ADAMTS9: variants seen among roughly 807,000 people sequenced by gnomAD.
The protein encoded by ADAMTS9 is A disintegrin and metalloproteinase with thrombospondin motifs 9.
Under a neutral mutation model 257.1 loss-of-function variants are expected in ADAMTS9, and 107 were observed. The ratio of observed to expected loss-of-function variants is 0.42; its 90% CI spans 0.36 to 0.49. ADAMTS9 has a LOEUF of 0.49. Ranked by LOEUF, ADAMTS9 falls within the 20% of genes least tolerant of loss-of-function variation. ADAMTS9 has a pLI of 0.03. For synonymous variants in ADAMTS9, 982 were observed against 880.9 expected (o/e 1.11, Z -2.03); for missense variants, 2,353 against 2,469.1 (o/e 0.95, Z 1.00).
At position 64,539,916 on chromosome 3, in the gene ADAMTS9, T is replaced by A. The variant is rs565997181; in HGVS notation, c.5522-622A>T. ...ACCCAAAGTGCACGTTGTTAACCCCTACTGTAGCTCCTGAGATGAGCTCTG... is the reference window on the plus strand; with the variant it reads ...ACCCAAAGTGCACGTTGTTAACCCCAACTGTAGCTCCTGAGATGAGCTCTG... On this transcript the variant is annotated intron_variant, in intron 36 of 39. Coordinates refer to ENST00000498707, the MANE Select transcript of ADAMTS9 (RefSeq NM_182920.2). Among the ~76,000 whole-genome samples, 9 of 152,362 alleles carry A rather than the reference T, an allele frequency of 5.9e-5. 1 individual carries two copies. Among genetic ancestry groups the A allele is most frequent in the African/African-American group, 2.2e-4 (9 of 41,594 alleles).
chr3:64,539,373 G>A (rs781457154), intron 36 of ADAMTS9, 79 bp from the exon 37 acceptor site: 2 of 1,163,690 alleles, frequency 1.7e-6, no homozygotes, highest in Non-Finnish European at 2.6e-6. Context: ...ACATTAACAA[G>A]GAGACAGAAG....
intron 31 of ADAMTS9, among the ~76,000 whole-genome samples, chr3:64,548,905 G>C (rs530885128): frequency 1.3e-5 from 2 of 152,334 alleles, no homozygotes; most frequent in South Asian, 4.1e-4. Flanking sequence ...CCCTGCATGA[G>C]CTGTACACTT....
intron 12 of ADAMTS9, among the ~76,000 whole-genome samples, chr3:64,634,705 G>T (rs1344688934): frequency 2.0e-5 from 3 of 152,108 alleles, no homozygotes; most frequent in Non-Finnish European, 4.4e-5. Flanking sequence ...TAGGACGTTG[G>T]GGCTCACTCA....
chr3:64,561,535 C>T lies in ADAMTS9; in HGVS notation c.4698+43G>A, dbSNP rs374726166. 3.2e-6 allele frequency: 5 copies of T among 1,583,916 alleles called. No individual in the cohort carries two copies. In the African/African-American group the frequency reaches 5.4e-5, roughly 17 times the overall value. ...AGATGTGAGGATAGCAAGGGGCGCA[C>T]ACGTGAAATGCCTGGCAGGTACCCC... On this transcript the variant is annotated intron_variant, in intron 30 of 39. Coordinates refer to ENST00000498707, the MANE Select transcript of ADAMTS9 (RefSeq NM_182920.2).
rs374900403 is a variant in ADAMTS9 at position 64,529,842 on chromosome 3, T to C, written c.5718+3324A>G. Among the ~76,000 whole-genome samples the C allele has an allele frequency of 3.9e-5, 6 of 152,076 alleles. No homozygotes were observed. In the East Asian group the frequency reaches 5.8e-4, roughly 15 times the overall value. On this transcript the variant is annotated intron_variant, in intron 38 of 39. Transcript: ENST00000498707. The stretch of plus-strand genomic sequence containing the variant: ...GGTTTTGTTTTGTTTTGTTTTGAGA[T>C]GGGTCTTACTCTGTTGCCCAGGCTG...
intron 4 of ADAMTS9, among the ~76,000 whole-genome samples, chr3:64,656,930 T>C (rs1701089809): frequency 1.5e-5 from 2 of 136,600 alleles, no homozygotes; most frequent in Admixed American, 1.6e-4. Context: ...TAAAAATAAG[T>C]TTCAGTTCAG....
intron 37 of ADAMTS9, 38 bp downstream of exon 37, chr3:64,539,165 G>A (rs748349321): frequency 7.1e-6 from 11 of 1,556,744 alleles, no homozygotes; most frequent in East Asian, 4.5e-5. Context: ...AAGGTGGGAG[G>A]TGAATCCCTG....
intron 28 of ADAMTS9, chr3:64,587,591 C>G (rs1047767986): frequency 2.6e-5 from 4 of 152,102 alleles, no homozygotes; most frequent in African/African-American, 9.7e-5. Flanking sequence ...CAGAAAGCTA[C>G]TAGATTTTTT....
chr3:64,564,560 G>A (rs1219844979), intron 29 of ADAMTS9, among the ~76,000 whole-genome samples: 3 of 151,910 alleles, frequency 2.0e-5, no homozygotes, highest in African/African-American at 7.3e-5. Context: ...TTCTATACTA[G>A]CATACAGTAT....
At position 64,556,439 on chromosome 3, in the gene ADAMTS9, G is replaced by C. The variant is rs149202753; in HGVS notation, c.4698+5139C>G. ...GAGCTTAAGCAATCCTCTCACTTCA[G>C]CCTCCCAGGTAGCTGGAACTACAGG... On this transcript the variant is annotated intron_variant, in intron 30 of 39. Transcript: ENST00000498707. Among the ~76,000 whole-genome samples the C allele has an allele frequency of 7.1e-3, 1,088 of 152,206 alleles. 9 individuals are homozygous for C. Among genetic ancestry groups the C allele is most frequent in the Middle Eastern group, 0.017 (5 of 294 alleles).
intron 39 of ADAMTS9, among the ~76,000 whole-genome samples, chr3:64,518,569 C>A (rs1008766398): frequency 2.0e-5 from 3 of 152,114 alleles, no homozygotes; most frequent in Non-Finnish European, 2.9e-5. Flanking sequence ...TGTTAAAATG[C>A]AGATTCTGAT....
chr3:64,682,935 C>A (rs149369760), intron 2 of ADAMTS9, among the ~76,000 whole-genome samples: 411 of 152,286 alleles, frequency 2.7e-3, no homozygotes, highest in African/African-American at 9.6e-3. Flanking sequence ...TTACCCCCTA[C>A]TCACAGATTC....
chr3:64,523,569 C>T (rs76614736), intron 38 of ADAMTS9, among the ~76,000 whole-genome samples: 3,822 of 152,264 alleles, frequency 0.025, 112 homozygotes, highest in East Asian at 0.068. Flanking sequence ...AAAGCTTTAA[C>T]TGGACAAATT....
chr3:64,656,057 TCA>T (rs1467458061), intron 4 of ADAMTS9, 182 bp from the exon 5 acceptor site: 4 of 514,348 alleles, frequency 7.8e-6, no homozygotes, highest in African/African-American at 2.0e-5. Context: ...AATTCATAGA[TCA>T]CAGTTTTAGA....
chr3:64,589,024 A>G (rs2084211590), intron 28 of ADAMTS9: 1 of 152,230 alleles, frequency 6.6e-6, no homozygotes. Context: ...GATGCCAGCA[A>G]TATGTTTAAA....
intron 16 of ADAMTS9, 89 bp from the exon 17 acceptor site, chr3:64,622,675 T>A: frequency 6.9e-7 from 1 of 1,443,632 alleles, no homozygotes; most frequent in Non-Finnish European, 9.5e-7. Context: ...AGGTAGAGAG[T>A]CGCTGTGCAC....
intron 34 of ADAMTS9, 36 bp downstream of exon 34, chr3:64,541,490 A>G (rs1176603831): frequency 1.9e-6 from 3 of 1,608,862 alleles, no homozygotes; most frequent in African/African-American, 1.3e-5. Context: ...CACTCTAAAA[A>G]CATTCTTGAA....
At chr3:64,673,311 A>T (rs780323390) in intron 3 of ADAMTS9, among the ~76,000 whole-genome samples, 29 of 152,204 alleles carry the variant, frequency 1.9e-4, no homozygotes, top group South Asian at 1.0e-3. Context: ...CACTCTGAGA[A>T]GTGGCTTAAT....
At chr3:64,564,232 C>T (rs970360870) in intron 29 of ADAMTS9, among the ~76,000 whole-genome samples, 1 of 152,158 alleles carries the variant, frequency 6.6e-6, no homozygotes, top group African/African-American at 2.4e-5. Context: ...GAGCTGGGAG[C>T]TATGTTTCAT....
Sources: gnomAD v4.1 joint callset for allele counts (sites outside exome capture counted in the v4.1 genomes callset) on GRCh38, gnomAD v4.1.1 for gene constraint, MANE v1.5 for transcripts, NCBI Gene and HGNC (gene_info 2026-07-23, HGNC 2026-07-21) for gene names.